SF3A3: variants seen among roughly 807,000 people sequenced by gnomAD.
SF3A3 encodes the protein splicing factor 3a subunit 3, also known as SAP 61.
SF3A3 carries 9 observed loss-of-function variants against 85.8 expected under a neutral mutation model. That is an observed-to-expected ratio of 0.10 (90% confidence interval 0.06 to 0.18). The LOEUF (loss-of-function observed/expected upper bound fraction) is 0.18. Among genes scored for constraint, SF3A3 ranks in the 10% least tolerant of loss-of-function variants. The pLI is 1.00. For missense variants in SF3A3, 306 were observed against 593.3 expected (o/e 0.52, Z 5.03); for synonymous variants, 195 against 204.4 (o/e 0.95, Z 0.39).
chr1:37,963,073 G>A (rs1324224409), intron 15 of SF3A3, among the ~76,000 whole-genome samples: 2 of 150,100 alleles, frequency 1.3e-5, no homozygotes, highest in African/African-American at 4.9e-5. Flanking sequence ...GAGCAACAGA[G>A]CGAGACTCCG....
At chr1:37,973,786 G>A (rs548686559) in intron 12 of SF3A3, among the ~76,000 whole-genome samples, 3 of 152,260 alleles carry the variant, frequency 2.0e-5, no homozygotes, top group South Asian at 2.1e-4. Flanking sequence ...GCACACTTAC[G>A]TTTATTGCAG....
At chr1:37,975,952 C>T (rs547749046) in intron 12 of SF3A3, among the ~76,000 whole-genome samples, 14 of 152,214 alleles carry the variant, frequency 9.2e-5, no homozygotes, top group South Asian at 8.3e-4. Context: ...GTCAGGATTT[C>T]GAGACCAGCC....
intron 2 of SF3A3, among the ~76,000 whole-genome samples, chr1:37,988,884 T>A (rs1166528728): frequency 6.8e-6 from 1 of 146,066 alleles, no homozygotes; most frequent in Non-Finnish European, 1.5e-5. Flanking sequence ...TGTGTGTATA[T>A]ATATATATAT....
chr1:37,969,982 C>T (rs921980158), intron 12 of SF3A3, among the ~76,000 whole-genome samples: 1 of 152,188 alleles, frequency 6.6e-6, no homozygotes, highest in Non-Finnish European at 1.5e-5. Context: ...TATAGAACAA[C>T]AGAAAACAGT....
chr1:37,982,062 A>C (rs1296006196), intron 6 of SF3A3, among the ~76,000 whole-genome samples: 1 of 133,764 alleles, frequency 7.5e-6, no homozygotes, highest in Non-Finnish European at 1.8e-5. Flanking sequence ...ATGAACATTA[A>C]ACTAAAAGAA....
chr1:37,964,280 G>C (rs755875331), intron 15 of SF3A3, among the ~76,000 whole-genome samples: 7 of 152,130 alleles, frequency 4.6e-5, no homozygotes, highest in Non-Finnish European at 8.8e-5. Context: ...TACGTGATAA[G>C]TGTGATTTCA....
intron 12 of SF3A3, among the ~76,000 whole-genome samples, chr1:37,973,385 A>C (rs889066039): frequency 3.9e-5 from 6 of 152,234 alleles, no homozygotes; most frequent in African/African-American, 1.2e-4. Context: ...GCACAGCAAA[A>C]GAAACTACCA....
chr1:37,982,820 C>A (rs941801430), intron 6 of SF3A3, among the ~76,000 whole-genome samples: 4 of 152,090 alleles, frequency 2.6e-5, no homozygotes, highest in African/African-American at 7.2e-5. Context: ...TCTGGGTGGG[C>A]ACAGTGGCTC....
chr1:37,964,585 T>C (rs189961652), intron 15 of SF3A3, among the ~76,000 whole-genome samples: 1 of 152,046 alleles, frequency 6.6e-6, no homozygotes, highest in African/African-American at 2.4e-5. Context: ...TCCAGCCTGG[T>C]TGACAGAGCA....
Position 37,987,556 on chromosome 1 carries a change from CT to C in SF3A3, c.303+16del, listed in dbSNP as rs1557756521. The C allele has an allele frequency of 6.4e-7, 1 of 1,564,802 alleles. No individual in the cohort carries two copies. Among genetic ancestry groups the C allele is most frequent in the Admixed American group, 1.7e-5 (1 of 59,942 alleles). On this transcript the variant is annotated intron_variant, in intron 4 of 16. Transcript: ENST00000373019. Reference sequence around the variant, plus strand: ...TTTAAGGATAGGTCTGGAGAAAATACTTTTCTGAGGACATACCTCATTTGGG... The same window carrying C: ...TTTAAGGATAGGTCTGGAGAAAATACTTTCTGAGGACATACCTCATTTGGG...
intron 5 of SF3A3, 27 bp downstream of exon 5, chr1:37,984,680 C>G: frequency 6.8e-7 from 1 of 1,473,092 alleles, no homozygotes. Context: ...TTTGCTGGTG[C>G]TGAATGAAAT....
chr1:37,961,988 G>A (rs1191116604), intron 15 of SF3A3, among the ~76,000 whole-genome samples: 1 of 151,224 alleles, frequency 6.6e-6, no homozygotes, highest in East Asian at 2.0e-4. Context: ...AGGAGGCTGA[G>A]GCAGGAGAAT....
intron 11 of SF3A3, 62 bp downstream of exon 11, chr1:37,978,658 A>C (rs1270976327): frequency 9.0e-7 from 1 of 1,105,182 alleles, no homozygotes; most frequent in African/African-American, 1.6e-5. Flanking sequence ...ACTGTGGTTA[A>C]AAATTCTGCA....
intron 12 of SF3A3, among the ~76,000 whole-genome samples, chr1:37,972,634 T>G (rs1384025893): frequency 6.6e-6 from 1 of 152,178 alleles, no homozygotes; most frequent in African/African-American, 2.4e-5. Context: ...ACTACAAGGC[T>G]ACAGTAACCA....
chr1:37,976,917 T>C lies in SF3A3; in HGVS notation c.972A>G (p.Glu324=). 6.2e-7 allele frequency: 1 copy of C among 1,610,036 alleles called. No individual in the cohort carries two copies. Among genetic ancestry groups the C allele is most frequent in the Non-Finnish European group, 8.5e-7 (1 of 1,176,298 alleles). ...TCTCTACATATTCATAGATCTGGGC[T>C]TCTAGAAAAGCAATGTCTTTGTTCC... is the stretch of plus-strand genomic sequence containing the variant. ...TERNKDIAFL[E]AQIYEYVEIL... The change falls in exon 12 of 17, where the codon GAA becomes GAG. Residue 324 remains glutamate (E), a synonymous_variant. Coordinates refer to ENST00000373019, the MANE Select transcript of SF3A3 (RefSeq NM_006802.4).
intron 15 of SF3A3, among the ~76,000 whole-genome samples, chr1:37,966,219 AAATT>A (rs1229009535): frequency 4.1e-5 from 6 of 145,802 alleles, no homozygotes; most frequent in Admixed American, 7.0e-5. Context: ...ATAAATAAAT[AAATT>A]AATTAATTAA....
chr1:37,961,000 A>G lies in SF3A3; in HGVS notation c.1373-825T>C, dbSNP rs1348690183. On this transcript the variant is annotated intron_variant, in intron 15 of 16. Transcript: ENST00000373019. ...GGTGTCAGGAAGGTGAACTCTTAGA[A>G]CAGATGGCTACATGTAATACATAAG... Among the ~76,000 whole-genome samples the G allele has an allele frequency of 3.9e-5, 6 of 152,116 alleles. No homozygotes were observed. The East Asian group carries it at 1.2e-3, about 29-fold the overall frequency.
intron 12 of SF3A3, among the ~76,000 whole-genome samples, chr1:37,975,660 T>C (rs1357362802): frequency 2.0e-5 from 3 of 152,212 alleles, no homozygotes; most frequent in Admixed American, 2.0e-4. Flanking sequence ...ATCTCTCCAA[T>C]GTCCAATGTC....
chr1:37,982,199 G>T (rs576726630), intron 6 of SF3A3, among the ~76,000 whole-genome samples: 1 of 152,140 alleles, frequency 6.6e-6, no homozygotes, highest in African/African-American at 2.4e-5. Context: ...TACCAAGTAC[G>T]GGGTACAGAA....
Sources: gnomAD v4.1 joint callset for allele counts (sites outside exome capture counted in the v4.1 genomes callset) on GRCh38, gnomAD v4.1.1 for gene constraint, MANE v1.5 for transcripts, NCBI Gene and HGNC (gene_info 2026-07-23, HGNC 2026-07-21) for gene names.